SIMC1: variants seen among roughly 807,000 people sequenced by gnomAD.
SIMC1 encodes SUMO-interacting motif-containing protein 1.
Under a neutral mutation model 82.3 loss-of-function variants are expected in SIMC1, and 55 were observed. That is an observed-to-expected ratio of 0.67 (90% CI 0.54 to 0.84). SIMC1 has a LOEUF of 0.84. Ranked by LOEUF, SIMC1 falls within the 40% of genes least tolerant of loss-of-function variation. SIMC1 has a pLI of 0.00. For missense variants in SIMC1, 915 were observed against 1,107.2 expected, an observed-to-expected ratio of 0.83 and a Z score of 2.46; for synonymous variants, 353 against 426.3, an observed-to-expected ratio of 0.83 and a Z score of 2.12.
At chr5:176,248,983 T>C (rs1212706568) in intron 1 of SIMC1, among the ~76,000 whole-genome samples, 1 of 152,168 alleles carries the variant, frequency 6.6e-6, no homozygotes, top group Non-Finnish European at 1.5e-5. Context: ...CTTTTTGATG[T>C]GCTGCTGGAT....
At chr5:176,246,038 C>G (rs1045392934) in intron 1 of SIMC1, among the ~76,000 whole-genome samples, 7 of 145,270 alleles carry the variant, frequency 4.8e-5, no homozygotes, top group African/African-American at 1.8e-4. Flanking sequence ...TGAGACGAGT[C>G]TCGCTCTGTC....
At chr5:176,279,342 C>A (rs774027867) in intron 1 of SIMC1, among the ~76,000 whole-genome samples, 2 of 151,920 alleles carry the variant, frequency 1.3e-5, no homozygotes, top group Non-Finnish European at 2.9e-5. Context: ...TTTTTTATTG[C>A]GTCTATTTGA....
chr5:176,292,265 A>G (rs1447929240), intron 2 of SIMC1, among the ~76,000 whole-genome samples: 2 of 152,144 alleles, frequency 1.3e-5, no homozygotes, highest in East Asian at 3.9e-4. Flanking sequence ...TGAGAAGTAA[A>G]CTAGATGTGT....
chr5:176,294,413 G>C (rs563597547), intron 2 of SIMC1, among the ~76,000 whole-genome samples: 1 of 152,066 alleles, frequency 6.6e-6, no homozygotes, highest in Admixed American at 6.5e-5. Context: ...CAAGTAGCTG[G>C]GACTACAGTT....
chr5:176,264,641 C>A (rs2081837), intron 1 of SIMC1, among the ~76,000 whole-genome samples: 88,045 of 150,594 alleles, frequency 0.58, 25,829 homozygotes, highest in Middle Eastern at 0.62. Flanking sequence ...GCTCTTCAGC[C>A]CCTTTAAATT....
chr5:176,244,665 T>C (rs1169029511), intron 1 of SIMC1, among the ~76,000 whole-genome samples: 1 of 152,132 alleles, frequency 6.6e-6, no homozygotes, highest in African/African-American at 2.4e-5. Context: ...TTCCCTATGC[T>C]TGTCCTTTGC....
rs567211852 is a variant in SIMC1 at position 176,333,472 on chromosome 5, A to C, written c.2172-3248A>C. Among the ~76,000 whole-genome samples the C allele has an allele frequency of 7.9e-5, 12 of 151,766 alleles. No individual in the cohort carries two copies. In the East Asian group the frequency reaches 2.4e-3, roughly 30 times the overall value. The stretch of plus-strand genomic sequence containing the variant: ...GAGATAGGGTCTCACTCTGTCGCCC[A>C]GACTGGAGTCCAGTGGTGCAATCTA... On this transcript the variant is annotated intron_variant, in intron 7 of 9. Transcript: ENST00000429602.
At chr5:176,304,749 T>G (rs1280082699) in intron 4 of SIMC1, among the ~76,000 whole-genome samples, 2 of 150,306 alleles carry the variant, frequency 1.3e-5, no homozygotes, top group Admixed American at 1.3e-4. Context: ...GAGGAGCGCC[T>G]CTTCCCAGCC....
At position 176,272,656 on chromosome 5, in the gene SIMC1, C is replaced by T. The variant is rs187249031; in HGVS notation, c.130-16998C>T. ...GTGAGGCTTTGCCTCGCCTGAGAAGCGCAAAGGGTCAGGGAATTCCCTTTC... is the reference window on the plus strand; with the variant it reads ...GTGAGGCTTTGCCTCGCCTGAGAAGTGCAAAGGGTCAGGGAATTCCCTTTC... On this transcript the variant is annotated intron_variant, in intron 1 of 9. Transcript: ENST00000429602. Among the ~76,000 whole-genome samples, 209 of 152,256 alleles carry T rather than the reference C, an allele frequency of 1.4e-3. 1 individual carries two copies. The highest frequency in any genetic ancestry group is 4.7e-3 in the African/African-American group (197 of 41,552).
intron 4 of SIMC1, chr5:176,313,362 C>A (rs1426311779): frequency 1.3e-6 from 2 of 1,516,784 alleles, no homozygotes; most frequent in Non-Finnish European, 8.8e-7. Flanking sequence ...GATCTACAAT[C>A]CTAGAGATTC....
chr5:176,279,343 G>T (rs528724850), intron 1 of SIMC1, among the ~76,000 whole-genome samples: 2 of 151,698 alleles, frequency 1.3e-5, no homozygotes, highest in African/African-American at 4.8e-5. Flanking sequence ...TTTTTATTGC[G>T]TCTATTTGAT....
chr5:176,279,059 G>T (rs1240199418), intron 1 of SIMC1, among the ~76,000 whole-genome samples: 1 of 152,106 alleles, frequency 6.6e-6, no homozygotes, highest in South Asian at 2.1e-4. Flanking sequence ...GGTAGAATTC[G>T]GCTGTGAATC....
chr5:176,251,266 A>G (rs1240573769), intron 1 of SIMC1, among the ~76,000 whole-genome samples: 1 of 152,242 alleles, frequency 6.6e-6, no homozygotes, highest in African/African-American at 2.4e-5. Flanking sequence ...AGGCTGAGGC[A>G]GGAGAATGGC....
intron 1 of SIMC1, among the ~76,000 whole-genome samples, chr5:176,273,193 A>C (rs984980239): frequency 6.6e-6 from 1 of 152,220 alleles, no homozygotes; most frequent in Admixed American, 6.5e-5. Context: ...GTAGAGGCTG[A>C]CTGACACCTC....
intron 2 of SIMC1, 91 bp downstream of exon 2, chr5:176,291,046 G>T: frequency 1.4e-6 from 1 of 735,854 alleles, no homozygotes; most frequent in Non-Finnish European, 2.2e-6. Context: ...TGAGAGGACA[G>T]GTCAAGCATA....
intron 5 of SIMC1, among the ~76,000 whole-genome samples, chr5:176,321,578 C>CTA (rs1335701666): frequency 1.3e-5 from 2 of 152,066 alleles, no homozygotes; most frequent in Non-Finnish European, 2.9e-5. Flanking sequence ...ATTAAATCTA[C>CTA]TATTTTTACC....
chr5:176,252,382 A>G (rs1761701099), intron 1 of SIMC1, among the ~76,000 whole-genome samples: 1 of 149,318 alleles, frequency 6.7e-6, no homozygotes, highest in South Asian at 2.1e-4. Flanking sequence ...CACTTCTCAG[A>G]CGGGGCGGTT....
At chr5:176,241,849 A>T (rs1383850179) in intron 1 of SIMC1, among the ~76,000 whole-genome samples, 1 of 151,774 alleles carries the variant, frequency 6.6e-6, no homozygotes, top group Non-Finnish European at 1.5e-5. Context: ...TGTTTACAAG[A>T]TAAATCATCT....
chr5:176,297,147 A>G (rs1179422533), intron 4 of SIMC1, among the ~76,000 whole-genome samples: 2 of 152,200 alleles, frequency 1.3e-5, no homozygotes, highest in African/African-American at 2.4e-5. Flanking sequence ...CTGAGGGCAG[A>G]AGGATCAGTA....
Sources: allele counts gnomAD v4.1 joint callset (sites outside exome capture counted in the v4.1 genomes callset), GRCh38; gene constraint gnomAD v4.1.1; transcripts MANE v1.5; gene names NCBI Gene and HGNC (gene_info 2026-07-23, HGNC 2026-07-21).